Variants in FHIT observed in about 807,000 individuals in gnomAD.
FHIT encodes bis(5'-adenosyl)-triphosphatase.
A neutral mutation model predicts 17.9 loss-of-function variants in FHIT; 19 were observed. The ratio of observed to expected loss-of-function variants is 1.06; its 90% confidence interval spans 0.74 to 1.56. The LOEUF (loss-of-function observed/expected upper bound fraction) is 1.56, where lower values mean the gene tolerates loss of function less well. Among genes scored for constraint, FHIT ranks in the 40% most tolerant of loss-of-function variants. The pLI is 0.00. For synonymous variants in FHIT, 81 were observed against 69.7 expected (o/e 1.16, Z -0.81); for missense variants, 248 against 189.2 (o/e 1.31, Z -1.82).
intron 7 of FHIT, among the ~76,000 whole-genome samples, chr3:59,981,913 G>T (rs552514216): frequency 1.3e-5 from 2 of 151,854 alleles, no homozygotes; most frequent in South Asian, 2.1e-4. Flanking sequence ...AGGATTCAAG[G>T]TATCAGTTTA....
At chr3:60,282,449 C>G (rs542054139) in intron 5 of FHIT, among the ~76,000 whole-genome samples, 1 of 152,210 alleles carries the variant, frequency 6.6e-6, no homozygotes, top group African/African-American at 2.4e-5. Flanking sequence ...AATATAGTTT[C>G]TTAGGGCAAT....
In FHIT at chr3:60,944,334, C is replaced by CT. The variant is rs10625111; in HGVS notation, c.-111+97712dup. Among the ~76,000 whole-genome samples the CT allele has an allele frequency of 6.8e-3, 1,025 of 150,288 alleles. 7 individuals are homozygous for CT. Among genetic ancestry groups the CT allele is most frequent in the African/African-American group, 0.021 (875 of 41,028 alleles). ...TTCCAAAAGCAGTGCCTGAGTTTGT[C>CT]TTTTTTTTTTCCTCCATCAACTCTG... On this transcript the variant is annotated intron_variant, in intron 3 of 9. Coordinates refer to ENST00000492590, the MANE Select transcript of FHIT (RefSeq NM_002012.4).
At chr3:60,474,357 T>C (rs936028996) in intron 5 of FHIT, among the ~76,000 whole-genome samples, 8 of 152,146 alleles carry the variant, frequency 5.3e-5, no homozygotes, top group African/African-American at 1.9e-4. Flanking sequence ...ATCAACTGAA[T>C]ATAGCAACAG....
intron 5 of FHIT, among the ~76,000 whole-genome samples, chr3:60,347,827 T>G (rs1408951637): frequency 6.6e-6 from 1 of 152,108 alleles, no homozygotes; most frequent in African/African-American, 2.4e-5. Flanking sequence ...AGCACGATCT[T>G]GGCTCACTGC....
At chr3:59,969,742 C>T (rs1478103787) in intron 7 of FHIT, among the ~76,000 whole-genome samples, 6 of 152,098 alleles carry the variant, frequency 3.9e-5, no homozygotes, top group Admixed American at 3.9e-4. Flanking sequence ...GACTTTAGTA[C>T]AGCTTCATCA....
At chr3:60,684,573 A>G (rs782107139) in intron 4 of FHIT, among the ~76,000 whole-genome samples, 36 of 151,928 alleles carry the variant, frequency 2.4e-4, no homozygotes, top group Middle Eastern at 3.4e-3. Flanking sequence ...AGTCTTCCCA[A>G]CCTCAGAGTG....
chr3:60,056,122 C>T (rs1702070356), intron 5 of FHIT, among the ~76,000 whole-genome samples: 1 of 152,190 alleles, frequency 6.6e-6, no homozygotes, highest in Non-Finnish European at 1.5e-5. Context: ...TATGCAGTTT[C>T]CATACATAGG....
chr3:60,221,635 A>G (rs1703965194), intron 5 of FHIT, among the ~76,000 whole-genome samples: 2 of 152,056 alleles, frequency 1.3e-5, no homozygotes, highest in African/African-American at 4.8e-5. Context: ...TACCATTCTC[A>G]TTACTAAACC....
chr3:59,752,008 AGAGAGTGAAGAGGCAG>A, intron 9 of FHIT, 197 bp downstream of exon 9: 4 of 433,562 alleles, frequency 9.2e-6, no homozygotes, highest in Non-Finnish European at 1.6e-5. Context: ...GCTTGGAAGA[AGAGAGTGAAGAGGCAG>A]GAGAGTTGGA....
chr3:61,168,294 G>A (rs1411683726), intron 2 of FHIT, among the ~76,000 whole-genome samples: 3 of 152,104 alleles, frequency 2.0e-5, no homozygotes, highest in East Asian at 3.8e-4. Context: ...TTACTGTCTG[G>A]CCCTTTACAA....
At chr3:60,044,261 C>A (rs1701560804) in intron 5 of FHIT, among the ~76,000 whole-genome samples, 2 of 152,146 alleles carry the variant, frequency 1.3e-5, no homozygotes, top group African/African-American at 4.8e-5. Flanking sequence ...GATAGATGAA[C>A]TGTCTTTTGT....
At chr3:60,697,820 T>C (rs893023676) in intron 4 of FHIT, among the ~76,000 whole-genome samples, 22 of 152,156 alleles carry the variant, frequency 1.4e-4, no homozygotes, top group Non-Finnish European at 3.1e-4. Context: ...AAGCTGACCA[T>C]TATAAATACA....
chr3:59,819,201 T>C (rs1305779985), intron 8 of FHIT, among the ~76,000 whole-genome samples: 2 of 152,230 alleles, frequency 1.3e-5, no homozygotes, highest in East Asian at 3.8e-4. Flanking sequence ...CTTACAGTTC[T>C]GGATTTGGGG....
chr3:60,010,377 C>G (rs1700093920), intron 7 of FHIT, among the ~76,000 whole-genome samples: 1 of 152,154 alleles, frequency 6.6e-6, no homozygotes, highest in Non-Finnish European at 1.5e-5. Flanking sequence ...GTGGCAGTCC[C>G]TACATAAACT....
At chr3:60,205,578 G>A (rs1045410947) in intron 5 of FHIT, among the ~76,000 whole-genome samples, 3 of 152,166 alleles carry the variant, frequency 2.0e-5, no homozygotes, top group Non-Finnish European at 4.4e-5. Context: ...GTTGCCTGAG[G>A]AGGATTCTGG....
chr3:60,126,632 T>C (rs722071), intron 5 of FHIT, among the ~76,000 whole-genome samples: 92,777 of 152,032 alleles, frequency 0.61, 28,616 homozygotes, highest in African/African-American at 0.65. Flanking sequence ...ACCAACAGAA[T>C]TTGATTCACA....
intron 5 of FHIT, among the ~76,000 whole-genome samples, chr3:60,382,615 C>T (rs1576573648): frequency 6.6e-6 from 1 of 152,146 alleles, no homozygotes; most frequent in East Asian, 1.9e-4. Flanking sequence ...GTCAAGTAAA[C>T]AACTATGCCA....
At chr3:60,594,602 C>T (rs1391518656) in intron 4 of FHIT, among the ~76,000 whole-genome samples, 1 of 151,870 alleles carries the variant, frequency 6.6e-6, no homozygotes, top group African/African-American at 2.4e-5. Flanking sequence ...CACCTGAATC[C>T]TCCTCCTCCC....
chr3:59,811,583 T>C (rs1245758360), intron 8 of FHIT, among the ~76,000 whole-genome samples: 3 of 152,140 alleles, frequency 2.0e-5, no homozygotes, highest in Admixed American at 1.3e-4. Context: ...TTTTGTTTTT[T>C]AAAGAAAGAA....
Sources: gnomAD v4.1 joint callset for allele counts (sites outside exome capture counted in the v4.1 genomes callset) on GRCh38, gnomAD v4.1.1 for gene constraint, MANE v1.5 for transcripts, NCBI Gene and HGNC (gene_info 2026-07-23, HGNC 2026-07-21) for gene names.